STX8: variants seen among roughly 807,000 people sequenced by gnomAD.
STX8 encodes the protein syntaxin-8.
A neutral mutation model predicts 37.5 loss-of-function variants in STX8; 23 were observed. The ratio of observed to expected loss-of-function variants is 0.61; its 90% CI spans 0.44 to 0.87. The LOEUF (loss-of-function observed/expected upper bound fraction) is 0.87, where lower values mean the gene tolerates loss of function less well. STX8 is among the 40% of genes least tolerant of loss of function. STX8 has a pLI of 0.00. For missense variants in STX8, 313 were observed against 284.7 expected (o/e 1.10, Z -0.71); for synonymous variants, 115 against 99.1 (o/e 1.16, Z -0.95).
chr17:9,415,956 C>A (rs554960892), intron 6 of STX8, among the ~76,000 whole-genome samples: 6 of 152,302 alleles, frequency 3.9e-5, no homozygotes, highest in African/African-American at 1.2e-4. Context: ...CACGTCTTTG[C>A]CCTGGCTGCT....
chr17:9,522,011 G>A (rs961750328), intron 4 of STX8, among the ~76,000 whole-genome samples: 8 of 152,046 alleles, frequency 5.3e-5, no homozygotes, highest in Non-Finnish European at 1.2e-4. Flanking sequence ...CAGAAGAATA[G>A]AAATACAGGG....
rs368529226 is a variant in STX8 at position 9,411,640 on chromosome 17, C to T, written c.542-32987G>A. Among the ~76,000 whole-genome samples the T allele has an allele frequency of 6.6e-5, 10 of 152,268 alleles. 1 individual carries two copies. Among genetic ancestry groups the T allele is most frequent in the African/African-American group, 2.4e-4 (10 of 41,548 alleles). On this transcript the variant is annotated intron_variant, in intron 6 of 7. Transcript: ENST00000306357. ...GGATAATCAATGTTAAAACAATATA[C>T]ATAACAGGATCGTTTCCTCACTAGG... is the stretch of plus-strand genomic sequence containing the variant.
intron 4 of STX8, among the ~76,000 whole-genome samples, chr17:9,527,846 A>T (rs1457539693): frequency 6.6e-6 from 1 of 152,196 alleles, no homozygotes; most frequent in Non-Finnish European, 1.5e-5. Flanking sequence ...TAACACTCAT[A>T]CCTTTTGTCC....
At chr17:9,311,300 T>A (rs1483572304) in intron 7 of STX8, among the ~76,000 whole-genome samples, 1 of 151,268 alleles carries the variant, frequency 6.6e-6, no homozygotes, top group African/African-American at 2.4e-5. Flanking sequence ...CCCCTGGCTA[T>A]TCGCAGCTGC....
intron 7 of STX8, among the ~76,000 whole-genome samples, chr17:9,370,922 G>GAAA (rs11435753): frequency 7.1e-6 from 1 of 141,588 alleles, no homozygotes; most frequent in Non-Finnish European, 1.5e-5. Context: ...TTAGAAGCTA[G>GAAA]AAAAAAAAAA....
chr17:9,503,100 T>C (rs2142496645), intron 5 of STX8, among the ~76,000 whole-genome samples: 1 of 79,896 alleles, frequency 1.3e-5, no homozygotes. Context: ...AGCCAGACTC[T>C]GTCTCAAAAA....
intron 7 of STX8, among the ~76,000 whole-genome samples, chr17:9,321,849 C>A (rs918375637): frequency 2.6e-5 from 4 of 152,082 alleles, no homozygotes; most frequent in Non-Finnish European, 4.4e-5. Context: ...TGCAAATAAT[C>A]GCCAAAAAAC....
intron 6 of STX8, among the ~76,000 whole-genome samples, chr17:9,384,940 C>T (rs887426156): frequency 1.4e-5 from 2 of 148,008 alleles, no homozygotes; most frequent in Non-Finnish European, 1.5e-5. Flanking sequence ...CCTTTTCTCT[C>T]CATACCAAAA....
chr17:9,261,003 A>G (rs1182327406), intron 7 of STX8, among the ~76,000 whole-genome samples: 1 of 152,218 alleles, frequency 6.6e-6, no homozygotes, highest in East Asian at 1.9e-4. Flanking sequence ...GGTGGCCTGG[A>G]AGGGGTGGGG....
At chr17:9,387,665 A>T (rs898723244) in intron 6 of STX8, among the ~76,000 whole-genome samples, 13 of 152,320 alleles carry the variant, frequency 8.5e-5, no homozygotes, top group African/African-American at 3.1e-4. Context: ...CATGCTTTGT[A>T]CTTGGCCTTG....
At chr17:9,284,789 G>C (rs1041433944) in intron 7 of STX8, among the ~76,000 whole-genome samples, 1 of 152,170 alleles carries the variant, frequency 6.6e-6, no homozygotes, top group Non-Finnish European at 1.5e-5. Context: ...AAAAGTCCTA[G>C]AAATATCACA....
At chr17:9,381,745 C>T (rs993198036) in intron 6 of STX8, among the ~76,000 whole-genome samples, 23 of 152,248 alleles carry the variant, frequency 1.5e-4, no homozygotes, top group Middle Eastern at 3.4e-3. Context: ...CCGAGGCGGG[C>T]GGATCACAAG....
At chr17:9,504,250 G>C (rs1401405308) in intron 5 of STX8, among the ~76,000 whole-genome samples, 4 of 151,828 alleles carry the variant, frequency 2.6e-5, no homozygotes, top group African/African-American at 9.7e-5. Context: ...ACAATATGGA[G>C]GGCTTTCATC....
chr17:9,472,676 G>A (rs116034048), intron 6 of STX8, among the ~76,000 whole-genome samples: 2 of 152,334 alleles, frequency 1.3e-5, no homozygotes, highest in African/African-American at 4.8e-5. Flanking sequence ...GGATGGGCCT[G>A]TGGTAGCCTC....
chr17:9,538,304 T>C (rs1236711629), intron 4 of STX8, among the ~76,000 whole-genome samples: 1 of 152,214 alleles, frequency 6.6e-6, no homozygotes, highest in Admixed American at 6.5e-5. Context: ...GCAACTTCCT[T>C]CTTCTAGAAG....
At chr17:9,545,093 A>T in intron 4 of STX8, 79 bp downstream of exon 4, 1 of 819,630 alleles carries the variant, frequency 1.2e-6, no homozygotes, top group South Asian at 1.6e-5. Context: ...TCCTAAAGTA[A>T]GCCATTCAGG....
chr17:9,431,614 G>A (rs1913987645), intron 6 of STX8, among the ~76,000 whole-genome samples: 1 of 152,160 alleles, frequency 6.6e-6, no homozygotes, highest in African/African-American at 2.4e-5. Context: ...AGGTTTAAAG[G>A]AAGAGAGAAC....
intron 7 of STX8, among the ~76,000 whole-genome samples, chr17:9,352,425 T>A (rs538544308): frequency 6.6e-6 from 1 of 151,248 alleles, no homozygotes; most frequent in Non-Finnish European, 1.5e-5. Flanking sequence ...TTTTAATATA[T>A]CTTAGCTGGG....
At chr17:9,364,892 G>A (rs1280145323) in intron 7 of STX8, among the ~76,000 whole-genome samples, 3 of 152,068 alleles carry the variant, frequency 2.0e-5, no homozygotes, top group African/African-American at 7.2e-5. Flanking sequence ...TATAAATATG[G>A]TCAAAGTTAC....
Sources: gnomAD v4.1 joint callset for allele counts (sites outside exome capture counted in the v4.1 genomes callset) on GRCh38, gnomAD v4.1.1 for gene constraint, MANE v1.5 for transcripts, NCBI Gene and HGNC (gene_info 2026-07-23, HGNC 2026-07-21) for gene names.